RFTN1: variants seen among roughly 807,000 people sequenced by gnomAD.
RFTN1 encodes raftlin.
A neutral mutation model predicts 46.5 loss-of-function variants in RFTN1; 26 were observed. The observed-to-expected ratio is 0.56, with a 90% CI of 0.41 to 0.78. The LOEUF is 0.78. Ranked by LOEUF, RFTN1 falls within the 30% of genes least tolerant of loss-of-function variation. The pLI, the probability that RFTN1 is intolerant of heterozygous loss-of-function variation, is 0.00. For missense variants in RFTN1, 693 were observed against 718.7 expected (o/e 0.96, Z 0.41); for synonymous variants, 261 against 284.2 (o/e 0.92, Z 0.82).
intron 7 of RFTN1, among the ~76,000 whole-genome samples, chr3:16,343,769 A>C (rs1482986372): frequency 6.6e-6 from 1 of 152,260 alleles, no homozygotes; most frequent in Non-Finnish European, 1.5e-5. Flanking sequence ...GAAACCATGA[A>C]TATAAGGAAT....
chr3:16,332,079 A>C (rs1053461553), intron 7 of RFTN1, among the ~76,000 whole-genome samples: 1 of 151,962 alleles, frequency 6.6e-6, no homozygotes, highest in African/African-American at 2.4e-5. Context: ...TTTCATGACA[A>C]TGTGCTTTGG....
intron 6 of RFTN1, among the ~76,000 whole-genome samples, chr3:16,369,146 T>C (rs936670469): frequency 6.6e-6 from 1 of 152,246 alleles, no homozygotes; most frequent in African/African-American, 2.4e-5. Context: ...AGTACATTCA[T>C]TTAGAATTCA....
chr3:16,496,436 A>C (rs1254872922), intron 1 of RFTN1, among the ~76,000 whole-genome samples: 1 of 152,214 alleles, frequency 6.6e-6, no homozygotes, highest in African/African-American at 2.4e-5. Flanking sequence ...TGCCCCAACA[A>C]ACACCCATGA....
At chr3:16,502,365 C>T (rs368395619) in intron 1 of RFTN1, among the ~76,000 whole-genome samples, 5 of 141,866 alleles carry the variant, frequency 3.5e-5, no homozygotes, top group East Asian at 2.0e-4. Flanking sequence ...GCCTGGGCAA[C>T]GGAGTGAGAC....
At position 16,483,742 on chromosome 3, in the gene RFTN1, G is replaced by T. The variant is rs1455895488; in HGVS notation, c.145+9983C>A. On this transcript the variant is annotated intron_variant, in intron 2 of 9. Transcript: ENST00000334133. This position sits in a 1 kb window ranked among gnomAD's most constrained non-coding sequence, Gnocchi z 4.8. ...GATCACACTAGTATAATTTTTTTCT[G>T]CCATCTCCACTCAAATTAAAAAAAA... is the stretch of plus-strand genomic sequence containing the variant. 6.7e-6 allele frequency among the ~76,000 whole-genome samples: 1 copy of T among 150,344 alleles called. No homozygotes were observed. Among genetic ancestry groups the T allele is most frequent in the African/African-American group, 2.5e-5 (1 of 40,698 alleles).
intron 9 of RFTN1, among the ~76,000 whole-genome samples, chr3:16,319,683 A>G (rs1306605002): frequency 2.0e-5 from 3 of 152,228 alleles, no homozygotes; most frequent in Non-Finnish European, 4.4e-5. Context: ...AGAAGATCAC[A>G]TCTTGTTGAT....
intron 2 of RFTN1, among the ~76,000 whole-genome samples, chr3:16,464,987 C>G (rs996159336): frequency 7.2e-5 from 11 of 152,196 alleles, no homozygotes; most frequent in South Asian, 2.1e-4. Flanking sequence ...TTCTAATTTG[C>G]TTCCCATCAC....
intron 3 of RFTN1, among the ~76,000 whole-genome samples, chr3:16,409,965 A>G (rs565675769): frequency 1.5e-4 from 22 of 150,778 alleles, no homozygotes; most frequent in African/African-American, 4.6e-4. Flanking sequence ...GGGATTACAG[A>G]CATGAGCCAC....
Position 16,433,184 on chromosome 3 carries a change from T to A in RFTN1, c.332+667A>T, listed in dbSNP as rs201261818. ...ATCCCATCCTCACTGTTTTTTTTTT[T>A]TAAAAAAATTAATATTGTTCCTTTT... On this transcript the variant is annotated intron_variant, in intron 3 of 9. Coordinates refer to ENST00000334133, the MANE Select transcript of RFTN1 (RefSeq NM_015150.2). This position sits in a 1 kb window ranked among gnomAD's most constrained non-coding sequence, Gnocchi z 4.4. Among the ~76,000 whole-genome samples, 19 of 106,356 alleles carry A rather than the reference T, an allele frequency of 1.8e-4. No individual in the cohort carries two copies. The highest frequency in any genetic ancestry group is 1.4e-3 in the East Asian group (4 of 2,884). 69.8% of individuals were successfully genotyped at this position (106,356 alleles called of 152,430 possible).
At chr3:16,430,744 A>G (rs2075368583) in intron 3 of RFTN1, among the ~76,000 whole-genome samples, 1 of 152,222 alleles carries the variant, frequency 6.6e-6, no homozygotes. Context: ...TGAAATGTTC[A>G]TTAAGTTCAT....
intron 3 of RFTN1, among the ~76,000 whole-genome samples, chr3:16,423,488 A>G (rs2075232438): frequency 6.6e-6 from 1 of 152,210 alleles, no homozygotes; most frequent in Admixed American, 6.5e-5. Flanking sequence ...ACAGGTGCCA[A>G]TGTGAAAACC....
At chr3:16,470,444 A>G (rs2076175298) in intron 2 of RFTN1, among the ~76,000 whole-genome samples, 1 of 152,198 alleles carries the variant, frequency 6.6e-6, no homozygotes, top group African/African-American at 2.4e-5. Context: ...TAAAACTCGG[A>G]CAGAAACCCA....
intron 1 of RFTN1, among the ~76,000 whole-genome samples, chr3:16,501,322 C>G (rs2076707211): frequency 6.6e-6 from 1 of 152,162 alleles, no homozygotes. Flanking sequence ...CATAAAAAGA[C>G]TGGAAAACCA....
intron 2 of RFTN1, among the ~76,000 whole-genome samples, chr3:16,455,165 G>A (rs2075884667): frequency 6.6e-6 from 1 of 152,214 alleles, no homozygotes; most frequent in East Asian, 1.9e-4. Context: ...GCAAACAGCT[G>A]CAGCAACAGC....
intron 7 of RFTN1, among the ~76,000 whole-genome samples, chr3:16,355,955 G>A (rs114179007): frequency 1.3e-5 from 2 of 152,300 alleles, no homozygotes; most frequent in Non-Finnish European, 2.9e-5. Context: ...CCCATGGCCT[G>A]CCAATCACTC....
rs1162576665 is a variant in RFTN1 at position 16,345,718 on chromosome 3, C to T, written c.1146+12214G>A. Among the ~76,000 whole-genome samples, 1 of 151,946 alleles carries T rather than the reference C, an allele frequency of 6.6e-6. No individual in the cohort carries two copies. The highest frequency in any genetic ancestry group is 1.5e-5 in the Non-Finnish European group (1 of 68,020). On this transcript the variant is annotated intron_variant, in intron 7 of 9. Transcript: ENST00000334133. This position sits in a 1 kb window ranked among gnomAD's most constrained non-coding sequence, Gnocchi z 5.2. The stretch of plus-strand genomic sequence containing the variant: ...ACCACTGGCTTTCCTGGGTCTCCAG[C>T]TTGCAGATAGCAGACTGTGGGACTC...
intron 7 of RFTN1, among the ~76,000 whole-genome samples, chr3:16,343,837 G>A (rs552227733): frequency 1.1e-3 from 162 of 152,300 alleles, no homozygotes; most frequent in African/African-American, 3.8e-3. Context: ...GTAATTCCTA[G>A]GTAAGGTGAA....
chr3:16,375,950 G>A (rs1238550433), intron 5 of RFTN1, among the ~76,000 whole-genome samples: 1 of 152,170 alleles, frequency 6.6e-6, no homozygotes, highest in Non-Finnish European at 1.5e-5. Flanking sequence ...GAGTGGCCAC[G>A]GGGTAGCAAG....
rs2072162483 is a variant in RFTN1 at position 16,352,401 on chromosome 3, GT to G, written c.1146+5530del. On this transcript the variant is annotated intron_variant, in intron 7 of 9. Coordinates refer to ENST00000334133, the MANE Select transcript of RFTN1 (RefSeq NM_015150.2). The surrounding 1 kb of genome is among the most constrained non-coding windows in gnomAD (Gnocchi z 4.6). ...TGCTCTTTACCTATTCATCTATGTA[GT>G]TTTTTCCTTTCCTTTCCAAGAATTA... Among the ~76,000 whole-genome samples, 1 of 152,176 alleles carries G rather than the reference GT, an allele frequency of 6.6e-6. No homozygotes were observed. The highest frequency in any genetic ancestry group is 1.5e-5 in the Non-Finnish European group (1 of 68,036).
Sources: gnomAD v4.1 joint callset for allele counts (sites outside exome capture counted in the v4.1 genomes callset) on GRCh38, gnomAD v4.1.1 for gene constraint, Gnocchi (gnomAD v3.1) non-coding constraint, MANE v1.5 for transcripts, NCBI Gene and HGNC (gene_info 2026-07-23, HGNC 2026-07-21) for gene names.